The following ITGA9 variants were observed in gnomAD, a reference collection of about 807,000 sequenced individuals.
ITGA9 encodes integrin alpha-9.
Under a neutral mutation model 127.8 loss-of-function variants are expected in ITGA9, and 56 were observed. That is an observed-to-expected ratio of 0.44 (90% CI 0.35 to 0.55). The LOEUF is 0.55. ITGA9 is among the 20% of genes least tolerant of loss of function. ITGA9 has a pLI of 0.00. For synonymous variants in ITGA9, 508 were observed against 514.5 expected (o/e 0.99, Z 0.17); for missense variants, 1,196 against 1,347.1 (o/e 0.89, Z 1.76).
chr3:37,685,618 T>G (rs948166367), intron 18 of ITGA9, among the ~76,000 whole-genome samples: 1 of 152,202 alleles, frequency 6.6e-6, no homozygotes, highest in African/African-American at 2.4e-5. Context: ...GGAACTCATC[T>G]CTGTGGTAAC....
intron 16 of ITGA9, among the ~76,000 whole-genome samples, chr3:37,641,456 C>G (rs1449603827): frequency 6.6e-6 from 1 of 152,126 alleles, no homozygotes; most frequent in Non-Finnish European, 1.5e-5. Flanking sequence ...CCCAAAGATG[C>G]CTGTTAGTCT....
Position 37,819,188 on chromosome 3 carries a change from TC to T in ITGA9, c.*201del. The T allele has an allele frequency of 1.6e-6, 1 of 612,094 alleles. No individual in the cohort carries two copies. Among genetic ancestry groups the T allele is most frequent in the Middle Eastern group, 4.3e-4 (1 of 2,308 alleles). The allele number at this position is 612,094 out of a possible 1,614,324, so 37.9% of individuals were successfully genotyped here. ...TCACACGACCGGGGCCAGCACCACTTCCTTTAAAGATGAACTCTGAACTTTG... is the reference window on the plus strand; with the variant it reads ...TCACACGACCGGGGCCAGCACCACTTCTTTAAAGATGAACTCTGAACTTTG... On this transcript the variant is annotated 3_prime_UTR_variant, in exon 28 of 28. Transcript: ENST00000264741.
At chr3:37,665,421 C>G (rs141922651) in intron 17 of ITGA9, among the ~76,000 whole-genome samples, 119 of 152,292 alleles carry the variant, frequency 7.8e-4, no homozygotes, top group African/African-American at 2.8e-3. Context: ...TTGCCCTCCT[C>G]AGAACAAGTG....
chr3:37,762,929 G>C (rs1385192296), intron 23 of ITGA9, among the ~76,000 whole-genome samples: 1 of 152,180 alleles, frequency 6.6e-6, no homozygotes, highest in Non-Finnish European at 1.5e-5. Context: ...TCATATTTAA[G>C]AAGCCCTGGT....
chr3:37,775,710 A>G (rs900391509), intron 23 of ITGA9, among the ~76,000 whole-genome samples: 4 of 152,080 alleles, frequency 2.6e-5, no homozygotes, highest in African/African-American at 9.7e-5. Context: ...AGAAAAGAGA[A>G]TGCTTATACA....
At chr3:37,701,517 C>T (rs897169588) in intron 18 of ITGA9, among the ~76,000 whole-genome samples, 8 of 152,196 alleles carry the variant, frequency 5.3e-5, no homozygotes, top group African/African-American at 1.2e-4. Context: ...CTTCTGCCTG[C>T]GTGGTGAGGA....
intron 23 of ITGA9, among the ~76,000 whole-genome samples, chr3:37,767,098 A>C (rs544093779): frequency 6.6e-6 from 1 of 152,342 alleles, no homozygotes; most frequent in South Asian, 2.1e-4. Flanking sequence ...ACGCAAAGGA[A>C]GAGGGAGGAG....
chr3:37,529,939 T>C (rs968009130), intron 13 of ITGA9, among the ~76,000 whole-genome samples: 4 of 150,752 alleles, frequency 2.7e-5, no homozygotes, highest in African/African-American at 7.3e-5. Context: ...GGCGAGGGGC[T>C]CTCATCTTCT....
At chr3:37,708,320 G>A (rs1451244567) in intron 18 of ITGA9, among the ~76,000 whole-genome samples, 3 of 152,188 alleles carry the variant, frequency 2.0e-5, no homozygotes, top group African/African-American at 2.4e-5. Flanking sequence ...GGAACAGACA[G>A]CATCATTTCT....
At position 37,547,413 on chromosome 3, in the gene ITGA9, A is replaced by G. The variant is rs564858289; in HGVS notation, c.1689+4828A>G. 6.6e-5 allele frequency among the ~76,000 whole-genome samples: 10 copies of G among 152,256 alleles called. No homozygotes were observed. The South Asian group carries it at 2.1e-3, about 32-fold the overall frequency. ...GCCACCAGGTCTCCTGAGAGATCAC[A>G]CCCTGGGATCTGCCCAGGTGTTTTG... On this transcript the variant is annotated intron_variant, in intron 15 of 27. Coordinates refer to ENST00000264741, the MANE Select transcript of ITGA9 (RefSeq NM_002207.3).
intron 17 of ITGA9, among the ~76,000 whole-genome samples, chr3:37,661,292 A>G (rs1700530706): frequency 6.6e-6 from 1 of 152,186 alleles, no homozygotes; most frequent in Admixed American, 6.5e-5. Flanking sequence ...GAACCTCAGA[A>G]ACAATGCCTT....
At chr3:37,620,498 C>T (rs1357196624) in intron 15 of ITGA9, among the ~76,000 whole-genome samples, 3 of 152,132 alleles carry the variant, frequency 2.0e-5, no homozygotes, top group Non-Finnish European at 2.9e-5. Flanking sequence ...CTCTAATCTT[C>T]ACAACAAGCA....
At chr3:37,783,094 G>A (rs1430655611) in intron 25 of ITGA9, among the ~76,000 whole-genome samples, 4 of 151,828 alleles carry the variant, frequency 2.6e-5, no homozygotes, top group Non-Finnish European at 4.4e-5. Flanking sequence ...AGCCAAGATC[G>A]TGCCATTGCA....
intron 15 of ITGA9, among the ~76,000 whole-genome samples, chr3:37,617,941 T>G (rs1297365783): frequency 6.6e-6 from 1 of 152,232 alleles, no homozygotes; most frequent in Non-Finnish European, 1.5e-5. Flanking sequence ...TTTGATCGTC[T>G]GAAGCCTTCT....
intron 16 of ITGA9, among the ~76,000 whole-genome samples, chr3:37,640,811 T>C (rs527506107): frequency 6.6e-6 from 1 of 152,284 alleles, no homozygotes; most frequent in African/African-American, 2.4e-5. Context: ...AGAGCCTGTT[T>C]CCTCACCTGT....
intron 17 of ITGA9, among the ~76,000 whole-genome samples, chr3:37,657,710 TTAATTA>T (rs1163800971): frequency 6.6e-6 from 1 of 152,014 alleles, no homozygotes; most frequent in Admixed American, 6.5e-5. Flanking sequence ...TGTTCTGATC[TTAATTA>T]TTTCTTGTCT....
At chr3:37,681,774 G>C (rs563995978) in intron 17 of ITGA9, among the ~76,000 whole-genome samples, 9 of 151,906 alleles carry the variant, frequency 5.9e-5, no homozygotes, top group Non-Finnish European at 1.3e-4. Context: ...CCTTATCACC[G>C]TTCTCATCCT....
intron 25 of ITGA9, among the ~76,000 whole-genome samples, chr3:37,781,160 G>C (rs947832257): frequency 6.6e-6 from 1 of 152,212 alleles, no homozygotes; most frequent in Admixed American, 6.5e-5. Flanking sequence ...TTCAAACACA[G>C]ATTCCTTTGG....
intron 18 of ITGA9, among the ~76,000 whole-genome samples, chr3:37,723,046 A>C (rs1701207825): frequency 6.6e-6 from 1 of 152,078 alleles, no homozygotes; most frequent in East Asian, 1.9e-4. Context: ...TGTGGTTTTG[A>C]TTTAGATTTC....
Sources: allele counts gnomAD v4.1 joint callset (sites outside exome capture counted in the v4.1 genomes callset), GRCh38; gene constraint gnomAD v4.1.1; transcripts MANE v1.5; gene names NCBI Gene and HGNC (gene_info 2026-07-23, HGNC 2026-07-21).